The following TIMD4 variants were observed in gnomAD, a reference collection of about 807,000 sequenced individuals.
The protein encoded by TIMD4 is T-cell immunoglobulin and mucin domain-containing protein 4.
A neutral mutation model predicts 41.2 loss-of-function variants in TIMD4; 31 were observed. That is an observed-to-expected ratio of 0.75 (90% confidence interval 0.57 to 1.01). The LOEUF (loss-of-function observed/expected upper bound fraction) is 1.01. Ranked by LOEUF, TIMD4 falls within the 50% of genes least tolerant of loss-of-function variation. The pLI, the probability that TIMD4 is intolerant of heterozygous loss-of-function variation, is 0.00. For synonymous variants in TIMD4, 204 were observed against 177.1 expected (o/e 1.15, Z -1.21); for missense variants, 479 against 472.5 (o/e 1.01, Z -0.13).
In TIMD4 at chr5:156,954,627, C is replaced by A; in HGVS notation, c.188G>T (p.Gly63Val). The part of the protein sequence containing the change: ...CWGKDQCPYS[G>V]CKEALIRTDG... ...AGTGCGGATGAGCGCCTCCTTGCAA[C>A]CGGAGTAGGGGCACTGGTCTTTCCC... The change falls in exon 2 of 9, where the codon GGT (glycine) becomes GTT (valine). Residue 63 changes from glycine (G) to valine (V), a missense_variant. By Grantham distance (109) the Gly-to-Val change is moderately radical. Coordinates refer to ENST00000274532, the MANE Select transcript of TIMD4 (RefSeq NM_138379.3). The A allele has an allele frequency of 6.2e-7, 1 of 1,614,226 alleles. No homozygotes were observed. Among genetic ancestry groups the A allele is most frequent in the Non-Finnish European group, 8.5e-7 (1 of 1,180,044 alleles).
At chr5:156,939,839 T>C (rs1249539067) in intron 5 of TIMD4, among the ~76,000 whole-genome samples, 6 of 152,220 alleles carry the variant, frequency 3.9e-5, no homozygotes, top group African/African-American at 1.4e-4. Flanking sequence ...ACCTGAAGTA[T>C]TGCAGGAGAC....
intron 5 of TIMD4, among the ~76,000 whole-genome samples, chr5:156,946,260 C>T (rs78504841): frequency 4.3e-4 from 65 of 152,258 alleles, no homozygotes; most frequent in African/African-American, 1.6e-3. Context: ...CACCCTTACC[C>T]CATCCCATAG....
intron 5 of TIMD4, 92 bp downstream of exon 5, chr5:156,948,324 C>T (rs543486395): frequency 1.5e-4 from 75 of 485,794 alleles, no homozygotes; most frequent in Non-Finnish European, 1.8e-4. Context: ...CTCATCTCTA[C>T]AAAAAAAAAA....
chr5:156,962,742 G>A (rs918517268), intron 1 of TIMD4, among the ~76,000 whole-genome samples: 1 of 152,038 alleles, frequency 6.6e-6, no homozygotes, highest in Admixed American at 6.6e-5. Flanking sequence ...AAAACAAAAA[G>A]CAAACACTTC....
At chr5:156,949,542 A>C (rs1581628636) in intron 4 of TIMD4, 109 bp downstream of exon 4, 1 of 958,086 alleles carries the variant, frequency 1.0e-6, no homozygotes, top group East Asian at 2.7e-5. Flanking sequence ...TTTATGGCAC[A>C]AAAGACCCAA....
At position 156,922,129 on chromosome 5, in the gene TIMD4, A is replaced by C; in HGVS notation, c.982T>G (p.Phe328Val). The C allele has an allele frequency of 6.2e-7, 1 of 1,613,986 alleles. No homozygotes were observed. Reference sequence around the variant, plus strand: ...AGGAGAAACGCCACAAACAATGCGAAGAGCACAAATCCCAAGGAGGGGGCG... The same window carrying C: ...AGGAGAAACGCCACAAACAATGCGACGAGCACAAATCCCAAGGAGGGGGCG... Reference protein sequence around the residue: ...IIAPSLGFVLFALFVAFLLRG... With the variant: ...IIAPSLGFVLVALFVAFLLRG... Residue 328 changes from phenylalanine (F) to valine (V), a missense_variant, in exon 7 of 9, where the codon TTC (phenylalanine) becomes GTC (valine). Transcript: ENST00000274532.
At chr5:156,961,784 A>G (rs1174821006) in intron 1 of TIMD4, among the ~76,000 whole-genome samples, 4 of 133,340 alleles carry the variant, frequency 3.0e-5, no homozygotes, top group African/African-American at 1.1e-4. Flanking sequence ...AGTCCGGCCT[A>G]GGCAAAAGAG....
At chr5:156,932,285 C>T (rs559658488) in intron 5 of TIMD4, among the ~76,000 whole-genome samples, 14 of 152,094 alleles carry the variant, frequency 9.2e-5, no homozygotes, top group Non-Finnish European at 1.8e-4. Flanking sequence ...CTGGAAACTC[C>T]ACGATGCTTG....
chr5:156,920,131 T>G (rs1400781579), intron 8 of TIMD4, among the ~76,000 whole-genome samples: 1 of 152,214 alleles, frequency 6.6e-6, no homozygotes, highest in Non-Finnish European at 1.5e-5. Flanking sequence ...CGCTCCTCAA[T>G]AAACTCCAGT....
intron 5 of TIMD4, among the ~76,000 whole-genome samples, chr5:156,944,167 T>TG (rs1402539876): frequency 1.3e-5 from 2 of 152,156 alleles, no homozygotes; most frequent in African/African-American, 2.4e-5. Flanking sequence ...CTAATAGATT[T>TG]GGGGGGAGTG....
At chr5:156,953,458 C>G (rs1176770028) in intron 2 of TIMD4, among the ~76,000 whole-genome samples, 2 of 151,882 alleles carry the variant, frequency 1.3e-5, no homozygotes, top group East Asian at 3.9e-4. Flanking sequence ...GAGTTCAAGA[C>G]CAGCCTGGCC....
In TIMD4 at chr5:156,953,653, CAAAAA is replaced by C. The variant is rs35165963; in HGVS notation, c.400+757_400+761del. On this transcript the variant is annotated intron_variant, in intron 2 of 8. Coordinates refer to ENST00000274532, the MANE Select transcript of TIMD4 (RefSeq NM_138379.3). ...TGGGCAACAAGAGCAAAACTCTGTC[CAAAAA>C]AAAAAAAAAAAAAAAAAGAGAGAGA... Among the ~76,000 whole-genome samples, 236 of 58,482 alleles carry C rather than the reference CAAAAA, an allele frequency of 4.0e-3. 1 individual carries two copies. Among genetic ancestry groups the C allele is most frequent in the East Asian group, 0.014 (23 of 1,646 alleles). 38.4% of individuals were successfully genotyped at this position (58,482 alleles called of 152,430 possible). A position where few individuals can be genotyped will look rare whatever the true frequency, so the allele number is the denominator to read the frequency against.
At chr5:156,940,850 C>T (rs561678291) in intron 5 of TIMD4, among the ~76,000 whole-genome samples, 23 of 152,324 alleles carry the variant, frequency 1.5e-4, no homozygotes, top group Non-Finnish European at 2.5e-4. Context: ...GCCATGATGA[C>T]GATGGCGGTT....
At chr5:156,961,818 A>AAAC (rs1753060565) in intron 1 of TIMD4, among the ~76,000 whole-genome samples, 1 of 141,740 alleles carries the variant, frequency 7.1e-6, no homozygotes, top group Non-Finnish European at 1.5e-5. Flanking sequence ...CAAAAAAAAA[A>AAAC]AAAAAAAAAA....
At chr5:156,945,020 C>T (rs138174147) in intron 5 of TIMD4, among the ~76,000 whole-genome samples, 6 of 152,128 alleles carry the variant, frequency 3.9e-5, no homozygotes, top group Admixed American at 2.6e-4. Flanking sequence ...GCTTTGCCAT[C>T]GAAAATTACA....
intron 1 of TIMD4, among the ~76,000 whole-genome samples, chr5:156,958,664 A>G (rs1381602107): frequency 6.6e-6 from 1 of 152,214 alleles, no homozygotes; most frequent in Admixed American, 6.5e-5. Flanking sequence ...AGTATTCACT[A>G]CCCAAGAGTC....
intron 5 of TIMD4, among the ~76,000 whole-genome samples, chr5:156,932,608 G>T (rs1373603266): frequency 6.6e-6 from 1 of 152,212 alleles, no homozygotes; most frequent in African/African-American, 2.4e-5. Context: ...AGTTAGGTAA[G>T]ATGTGATCAT....
rs771095754 is a variant in TIMD4, at chr5:156,922,121, C to G, written c.990G>C (p.Leu330Phe). Reference sequence around the variant, plus strand: ...TACCTCTCAGGAGAAACGCCACAAACAATGCGAAGAGCACAAATCCCAAGG... The same window carrying G: ...TACCTCTCAGGAGAAACGCCACAAAGAATGCGAAGAGCACAAATCCCAAGG... ...APSLGFVLFA[L>F]FVAFLLRGKL... The change falls in exon 7 of 9, where the codon TTG becomes TTC. Residue 330 changes from leucine to phenylalanine, a missense_variant. Transcript: ENST00000274532. 1 of 1,613,900 alleles carries G rather than the reference C, an allele frequency of 6.2e-7. No homozygotes were observed. The highest frequency in any genetic ancestry group is 1.1e-5 in the South Asian group (1 of 91,024).
At chr5:156,947,513 A>T (rs141004404) in intron 5 of TIMD4, among the ~76,000 whole-genome samples, 7 of 152,242 alleles carry the variant, frequency 4.6e-5, no homozygotes, top group African/African-American at 9.6e-5. Context: ...AGCACTGTTT[A>T]TAAAAAGGAA....
Sources: allele counts gnomAD v4.1 joint callset (sites outside exome capture counted in the v4.1 genomes callset), GRCh38; gene constraint gnomAD v4.1.1; transcripts MANE v1.5; gene names NCBI Gene and HGNC (gene_info 2026-07-23, HGNC 2026-07-21).